The following HIBCH variants were observed in gnomAD, a reference collection of about 807,000 sequenced individuals.
The protein encoded by HIBCH is 3-hydroxyisobutyryl-CoA hydrolase, mitochondrial.
Under a neutral mutation model 58.2 loss-of-function variants are expected in HIBCH, and 50 were observed. That is an observed-to-expected ratio of 0.86 (90% CI 0.68 to 1.09). HIBCH has a LOEUF of 1.09. Ranked by LOEUF, HIBCH falls within the 50% of genes least tolerant of loss-of-function variation. The pLI is 0.00. For missense variants in HIBCH, 450 were observed against 449.7 expected, an observed-to-expected ratio of 1.00 and a Z score of -0.01; for synonymous variants, 151 against 146.9, an observed-to-expected ratio of 1.03 and a Z score of -0.20.
intron 6 of HIBCH, among the ~76,000 whole-genome samples, chr2:190,273,827 A>T (rs1279647981): frequency 1.3e-5 from 2 of 152,126 alleles, no homozygotes; most frequent in Non-Finnish European, 2.9e-5. Flanking sequence ...ATAAACTCTC[A>T]GGTTCTCTTT....
Position 190,208,642 on chromosome 2 carries a change from T to C in HIBCH, c.1045+238A>G, listed in dbSNP as rs1477039807. ...GTTGAGTATTCTTTATCTGGAATGC[T>C]TGGGATCAGAAGTGTTTCAGGTTTG... On this transcript the variant is annotated intron_variant, in intron 13 of 13. Coordinates refer to ENST00000359678, the MANE Select transcript of HIBCH (RefSeq NM_014362.4). 1.6e-5 allele frequency: 9 copies of C among 564,578 alleles called. No individual in the cohort carries two copies. The South Asian group carries it at 1.7e-4, about 10-fold the overall frequency. The allele number at this position is 564,578 out of a possible 1,614,324, so 35.0% of individuals were successfully genotyped here. A position where few individuals can be genotyped will look rare whatever the true frequency, so the allele number is the denominator to read the frequency against.
chr2:190,267,637 C>T (rs1687279889), intron 6 of HIBCH, among the ~76,000 whole-genome samples: 1 of 152,012 alleles, frequency 6.6e-6, no homozygotes, highest in Non-Finnish European at 1.5e-5. Flanking sequence ...AATTCAGCTT[C>T]ATATTTAGTT....
intron 2 of HIBCH, among the ~76,000 whole-genome samples, chr2:190,301,078 A>T (rs920646451): frequency 6.6e-6 from 1 of 152,224 alleles, no homozygotes; most frequent in Non-Finnish European, 1.5e-5. Flanking sequence ...TTAACTTAAA[A>T]TGTTAATCTT....
intron 6 of HIBCH, among the ~76,000 whole-genome samples, chr2:190,277,033 CTCA>C (rs1575743456): frequency 6.6e-6 from 1 of 151,950 alleles, no homozygotes; most frequent in Non-Finnish European, 1.5e-5. Context: ...TTGACGTCCC[CTCA>C]TATTAACTTA....
At position 190,315,198 on chromosome 2, in the gene HIBCH, G is replaced by A. The variant is rs1464026478; in HGVS notation, c.36-4402C>T. 3.9e-5 allele frequency among the ~76,000 whole-genome samples: 6 copies of A among 151,988 alleles called. No homozygotes were observed. Among genetic ancestry groups the A allele is most frequent in the African/African-American group, 7.2e-5 (3 of 41,436 alleles). On this transcript the variant is annotated intron_variant, in intron 1 of 13. Transcript: ENST00000359678. This position sits in a 1 kb window ranked among gnomAD's most constrained non-coding sequence, Gnocchi z 5.4. ...TCCTGACTTCTTTCTTGATCCGCCCGCCTCAGCCTCCCAAAGTGCTGAAAT... is the reference window on the plus strand; with the variant it reads ...TCCTGACTTCTTTCTTGATCCGCCCACCTCAGCCTCCCAAAGTGCTGAAAT...
intron 6 of HIBCH, among the ~76,000 whole-genome samples, chr2:190,264,798 AC>A (rs1253582342): frequency 6.6e-6 from 1 of 152,154 alleles, no homozygotes; most frequent in African/African-American, 2.4e-5. Flanking sequence ...TCAGATATAT[AC>A]CAGGGAGTAA....
chr2:190,205,299 G>T, intron 13 of HIBCH, 67 bp from the exon 14 acceptor site: 1 of 894,134 alleles, frequency 1.1e-6, no homozygotes, highest in Non-Finnish European at 1.8e-6. Context: ...TTTACTTACT[G>T]AATTGACAGA....
chr2:190,308,862 C>G (rs1437585188), intron 2 of HIBCH, among the ~76,000 whole-genome samples: 1 of 152,164 alleles, frequency 6.6e-6, no homozygotes, highest in Non-Finnish European at 1.5e-5. Context: ...CCCACTCTGT[C>G]AGAGGCTATA....
intron 1 of HIBCH, among the ~76,000 whole-genome samples, chr2:190,191,343 C>A (rs745649442): frequency 3.3e-5 from 5 of 152,136 alleles, no homozygotes; most frequent in Non-Finnish European, 5.9e-5. Flanking sequence ...CAGAGTTTCA[C>A]CATGTTGGCC....
In HIBCH at chr2:190,306,736, C is replaced by T. The variant is rs891638516; in HGVS notation, c.78+4018G>A. Among the ~76,000 whole-genome samples, 1 of 152,204 alleles carries T rather than the reference C, an allele frequency of 6.6e-6. No individual in the cohort carries two copies. The highest frequency in any genetic ancestry group is 1.5e-5 in the Non-Finnish European group (1 of 68,026). ...TATAGTACTACAGACTGAATGCTTG[C>T]ATCCTTCCAAAATTTGTATGTTGAA... On this transcript the variant is annotated intron_variant, in intron 2 of 13. Transcript: ENST00000359678. The surrounding 1 kb of genome is among the most constrained non-coding windows in gnomAD (Gnocchi z 4.6).
rs1455637859 is a variant in HIBCH, at chr2:190,243,502, A to G, written c.891+1385T>C. ...GGATTCCTTGAATTATAAAATGACTATTGATGTAAACATTCCTGGAAGTTG... is the reference window on the plus strand; with the variant it reads ...GGATTCCTTGAATTATAAAATGACTGTTGATGTAAACATTCCTGGAAGTTG... On this transcript the variant is annotated intron_variant, in intron 11 of 13. Coordinates refer to ENST00000359678, the MANE Select transcript of HIBCH (RefSeq NM_014362.4). The surrounding 1 kb of genome is among the most constrained non-coding windows in gnomAD (Gnocchi z 4.1). 6.6e-6 allele frequency among the ~76,000 whole-genome samples: 1 copy of G among 152,190 alleles called. No individual in the cohort carries two copies. The highest frequency in any genetic ancestry group is 1.5e-5 in the Non-Finnish European group (1 of 68,026).
chr2:190,298,659 T>A (rs145747739), intron 2 of HIBCH, among the ~76,000 whole-genome samples: 1 of 152,240 alleles, frequency 6.6e-6, no homozygotes, highest in South Asian at 2.1e-4. Flanking sequence ...GATGGGTAGA[T>A]TGCAAAATTT....
At chr2:190,284,327 G>A (rs567043296) in intron 6 of HIBCH, among the ~76,000 whole-genome samples, 2 of 152,162 alleles carry the variant, frequency 1.3e-5, no homozygotes, top group African/African-American at 4.8e-5. Context: ...TGAAGAACAT[G>A]GCCAGTGCCT....
chr2:190,263,716 C>T (rs1279856235), intron 6 of HIBCH, among the ~76,000 whole-genome samples: 2 of 151,768 alleles, frequency 1.3e-5, no homozygotes, highest in East Asian at 1.9e-4. Flanking sequence ...AAGTGTGCTC[C>T]TCTCTCTGTC....
At position 190,319,775 on chromosome 2, in the gene HIBCH, A is replaced by C. The variant is rs761011777; in HGVS notation, c.-25T>G. Reference sequence around the variant, plus strand: ...TCGCCAAACACTCCGAAGCTAAAGCAGCAGAGCGAGAATCTCCCGGACCGT... The same window carrying C: ...TCGCCAAACACTCCGAAGCTAAAGCCGCAGAGCGAGAATCTCCCGGACCGT... On this transcript the variant is annotated 5_prime_UTR_variant, in exon 1 of 14. Transcript: ENST00000359678. 1 of 1,607,170 alleles carries C rather than the reference A, an allele frequency of 6.2e-7. No individual in the cohort carries two copies. Among genetic ancestry groups the C allele is most frequent in the Non-Finnish European group, 8.5e-7 (1 of 1,176,830 alleles).
At chr2:190,263,893 G>C (rs1033194098) in intron 6 of HIBCH, among the ~76,000 whole-genome samples, 1 of 150,570 alleles carries the variant, frequency 6.6e-6, no homozygotes, top group Admixed American at 6.6e-5. Flanking sequence ...ACACTATTAC[G>C]ACCCCACAAT....
At chr2:190,200,480 TG>T, downstream of HIBCH, 1 of 211,688 alleles carries the variant, frequency 4.7e-6, no homozygotes, top group South Asian at 1.2e-4. Context: ...CAAATTCCAA[TG>T]GTTGAAGTTT....
Position 190,208,878 on chromosome 2 carries a change from AC to A in HIBCH, c.1045+1del. The A allele has an allele frequency of 6.2e-7, 1 of 1,613,290 alleles. No individual in the cohort carries two copies. Among genetic ancestry groups the A allele is most frequent in the Non-Finnish European group, 8.5e-7 (1 of 1,179,432 alleles). The stretch of plus-strand genomic sequence containing the variant: ...AATGGTAAGTTCCCATTTGCCACTT[AC>A]CAGCTCTAACGCCTTCATGAAAGTC... On this transcript the variant is annotated splice_donor_variant, in intron 13 of 13. Coordinates refer to ENST00000359678, the MANE Select transcript of HIBCH (RefSeq NM_014362.4). LOFTEE classifies it high-confidence loss of function.
rs530729723 is a variant in HIBCH, at chr2:190,207,040, T to C, written c.1046-1808A>G. On this transcript the variant is annotated intron_variant, in intron 13 of 13. Coordinates refer to ENST00000359678, the MANE Select transcript of HIBCH (RefSeq NM_014362.4). This position sits in a 1 kb window ranked among gnomAD's most constrained non-coding sequence, Gnocchi z 4.5. ...GGGAGGCTGAGGCAGGAGAATGGTG[T>C]GAACCCGGGAGGCGGAGTTTGCAGT... 6.6e-6 allele frequency among the ~76,000 whole-genome samples: 1 copy of C among 152,206 alleles called. No individual in the cohort carries two copies. The highest frequency in any genetic ancestry group is 2.1e-4 in the South Asian group (1 of 4,808).
Sources: allele counts gnomAD v4.1 joint callset (sites outside exome capture counted in the v4.1 genomes callset), GRCh38; gene constraint gnomAD v4.1.1; non-coding constraint Gnocchi (gnomAD v3.1); transcripts MANE v1.5; gene names NCBI Gene and HGNC (gene_info 2026-07-23, HGNC 2026-07-21).